SLC9A9: variants seen among roughly 807,000 people sequenced by gnomAD.
The protein encoded by SLC9A9 is solute carrier family 9 member A9.
A neutral mutation model predicts 77.8 loss-of-function variants in SLC9A9; 62 were observed. The ratio of observed to expected loss-of-function variants is 0.80; its 90% CI spans 0.65 to 0.98. The LOEUF (loss-of-function observed/expected upper bound fraction) is 0.98, where lower values mean the gene tolerates loss of function less well. SLC9A9 is among the 50% of genes least tolerant of loss of function. The probability of loss-of-function intolerance (pLI) is 0.00; values close to 1 mark genes in which losing one functional copy is unlikely to be tolerated. For missense variants in SLC9A9, 775 were observed against 774.9 expected, an observed-to-expected ratio of 1.00 and a Z score of 0.00; for synonymous variants, 320 against 283.5, an observed-to-expected ratio of 1.13 and a Z score of -1.29.
intron 12 of SLC9A9, among the ~76,000 whole-genome samples, chr3:143,383,465 G>A (rs1432755980): frequency 6.6e-6 from 1 of 152,234 alleles, no homozygotes; most frequent in Non-Finnish European, 1.5e-5. Flanking sequence ...GATCAGAGAA[G>A]TATGAGGAAA....
Position 143,268,904 on chromosome 3 carries a change from TG to T in SLC9A9, c.1680del (p.Arg561GlyfsTer13). ...TAGGCTTGAGGACTGGTAAGCAGCCTGGAAATCGGACCACACCATTCAGGTA... is the reference window on the plus strand; with the variant it reads ...TAGGCTTGAGGACTGGTAAGCAGCCTGAAATCGGACCACACCATTCAGGTA... The part of the protein sequence containing the change: ...TTLPEWCGPI[S>X]RLLTSPQAYG... On this transcript the variant is annotated frameshift_variant, in exon 15 of 16. Transcript: ENST00000316549. LOFTEE classifies it high-confidence loss of function. 3 of 1,613,736 alleles carry T rather than the reference TG, an allele frequency of 1.9e-6. No individual in the cohort carries two copies. Among genetic ancestry groups the T allele is most frequent in the Non-Finnish European group, 2.5e-6 (3 of 1,179,806 alleles).
chr3:143,452,783 T>C (rs900137100), intron 12 of SLC9A9, among the ~76,000 whole-genome samples: 12 of 151,874 alleles, frequency 7.9e-5, no homozygotes, highest in South Asian at 2.1e-4. Context: ...AGAATGTCCT[T>C]ATTTCTAGGT....
chr3:143,796,787 C>T (rs779049553), intron 3 of SLC9A9, 39 bp downstream of exon 3: 21 of 1,459,452 alleles, frequency 1.4e-5, no homozygotes, highest in South Asian at 6.0e-5. Context: ...AAATTCTCTA[C>T]TTAATGATAA....
At chr3:143,306,423 T>A (rs1391192452) in intron 14 of SLC9A9, among the ~76,000 whole-genome samples, 1 of 152,228 alleles carries the variant, frequency 6.6e-6, no homozygotes, top group Non-Finnish European at 1.5e-5. Flanking sequence ...CCTCTAGAAC[T>A]GCTGGGAGAA....
intron 4 of SLC9A9, among the ~76,000 whole-genome samples, chr3:143,709,116 G>C (rs544316486): frequency 6.6e-6 from 1 of 152,070 alleles, no homozygotes; most frequent in Admixed American, 6.6e-5. Flanking sequence ...AGGCGTGGGC[G>C]GCAAAAGTTG....
At chr3:143,445,586 C>G (rs1277711544) in intron 12 of SLC9A9, among the ~76,000 whole-genome samples, 1 of 152,178 alleles carries the variant, frequency 6.6e-6, no homozygotes, top group Non-Finnish European at 1.5e-5. Context: ...CAAACAGAGT[C>G]AAGCCGAGCT....
chr3:143,528,306 A>G (rs1323823011), intron 9 of SLC9A9, among the ~76,000 whole-genome samples: 1 of 152,232 alleles, frequency 6.6e-6, no homozygotes, highest in Admixed American at 6.5e-5. Flanking sequence ...GAATTATTAG[A>G]AGAATTCAGC....
chr3:143,505,715 CACA>C (rs1349261413), intron 9 of SLC9A9, among the ~76,000 whole-genome samples: 1 of 152,094 alleles, frequency 6.6e-6, no homozygotes, highest in African/African-American at 2.4e-5. Context: ...CCTATAAAAA[CACA>C]ACAAAACACA....
intron 14 of SLC9A9, among the ~76,000 whole-genome samples, chr3:143,353,708 G>C (rs1261590410): frequency 6.6e-6 from 1 of 152,028 alleles, no homozygotes; most frequent in Admixed American, 6.6e-5. Context: ...GGCATCTTAA[G>C]GGCAATCACC....
chr3:143,358,008 G>A (rs2032641174), intron 14 of SLC9A9, among the ~76,000 whole-genome samples: 2 of 138,808 alleles, frequency 1.4e-5, no homozygotes, highest in South Asian at 4.6e-4. Flanking sequence ...GTTTTAGGAG[G>A]GGAAGGTTTT....
At chr3:143,308,662 A>C (rs2030905400) in intron 14 of SLC9A9, among the ~76,000 whole-genome samples, 2 of 152,140 alleles carry the variant, frequency 1.3e-5, no homozygotes, top group African/African-American at 4.8e-5. Context: ...GTCTCTAGGT[A>C]ACTGCTCAAG....
intron 8 of SLC9A9, among the ~76,000 whole-genome samples, chr3:143,554,748 T>C (rs2036950456): frequency 6.6e-6 from 1 of 152,138 alleles, no homozygotes; most frequent in Non-Finnish European, 1.5e-5. Flanking sequence ...CCCACCGCCT[T>C]ACCTTTCAAT....
Position 143,536,863 on chromosome 3 carries a change from A to G in SLC9A9, c.1089+15499T>C, listed in dbSNP as rs145087382. Among the ~76,000 whole-genome samples, 756 of 152,324 alleles carry G rather than the reference A, an allele frequency of 5.0e-3. 3 individuals are homozygous for G. Among genetic ancestry groups the G allele is most frequent in the South Asian group, 0.013 (62 of 4,826 alleles). On this transcript the variant is annotated intron_variant, in intron 9 of 15. Transcript: ENST00000316549. ...CAAAGGGATCTTCATGAGTGACATT[A>G]CTGTGCCCTAGGTCACTGGTTCTCA...
At chr3:143,466,931 T>C (rs1488064571) in intron 12 of SLC9A9, 106 bp downstream of exon 12, 1 of 1,403,204 alleles carries the variant, frequency 7.1e-7, no homozygotes, top group Non-Finnish European at 9.9e-7. Flanking sequence ...CTGGGAAAGT[T>C]AGGGTAGGAC....
At chr3:143,369,028 A>G (rs73144740) in intron 13 of SLC9A9, among the ~76,000 whole-genome samples, 18,647 of 152,134 alleles carry the variant, frequency 0.12, 1,311 homozygotes, top group East Asian at 0.17. Context: ...ATACATGCCT[A>G]GAGAGAAAAA....
intron 4 of SLC9A9, among the ~76,000 whole-genome samples, chr3:143,707,127 G>A (rs1168921117): frequency 1.3e-5 from 2 of 152,082 alleles, no homozygotes; most frequent in African/African-American, 4.8e-5. Context: ...AAGGGCCATC[G>A]CTCAAACAGC....
At chr3:143,440,099 TAAG>T (rs1559916619) in intron 12 of SLC9A9, among the ~76,000 whole-genome samples, 1 of 152,210 alleles carries the variant, frequency 6.6e-6, no homozygotes, top group Non-Finnish European at 1.5e-5. Context: ...AAGGGACAGT[TAAG>T]AAAGAGTGAA....
chr3:143,314,597 G>C (rs1313839246), intron 14 of SLC9A9, among the ~76,000 whole-genome samples: 2 of 152,194 alleles, frequency 1.3e-5, no homozygotes, highest in Non-Finnish European at 2.9e-5. Flanking sequence ...ATTCTAAACT[G>C]GCTGAAGTAA....
At position 143,479,235 on chromosome 3, in the gene SLC9A9, G is replaced by A. The variant is rs114842423; in HGVS notation, c.1316-12045C>T. The stretch of plus-strand genomic sequence containing the variant: ...CTCACAGTAACTGGTATTTTGAGTC[G>A]CAACATTTTTTATTTGTTTATTTTT... On this transcript the variant is annotated intron_variant, in intron 11 of 15. Transcript: ENST00000316549. Among the ~76,000 whole-genome samples, 808 of 152,204 alleles carry A rather than the reference G, an allele frequency of 5.3e-3. 11 individuals carry two copies. Among genetic ancestry groups the A allele is most frequent in the African/African-American group, 0.019 (773 of 41,534 alleles).
Sources: allele counts gnomAD v4.1 joint callset (sites outside exome capture counted in the v4.1 genomes callset), GRCh38; gene constraint gnomAD v4.1.1; transcripts MANE v1.5; gene names NCBI Gene and HGNC (gene_info 2026-07-23, HGNC 2026-07-21).